The following CCDC91 variants were observed in gnomAD, a reference collection of about 807,000 sequenced individuals.
CCDC91 encodes coiled-coil domain containing 91, also known as coiled-coil domain-containing protein 91.
A neutral mutation model predicts 63.2 loss-of-function variants in CCDC91; 48 were observed. The observed-to-expected ratio is 0.76, with a 90% CI of 0.60 to 0.97. The LOEUF (loss-of-function observed/expected upper bound fraction) is 0.97, where lower values mean the gene tolerates loss of function less well. Among genes scored for constraint, CCDC91 ranks in the 50% least tolerant of loss-of-function variants. CCDC91 has a pLI of 0.00. For missense variants in CCDC91, 500 were observed against 494.6 expected (o/e 1.01, Z -0.10); for synonymous variants, 167 against 165.8 (o/e 1.01, Z -0.06).
chr12:28,462,817 C>G (rs1256253622), intron 11 of CCDC91, among the ~76,000 whole-genome samples: 1 of 151,862 alleles, frequency 6.6e-6, no homozygotes, highest in African/African-American at 2.4e-5. Context: ...ATAAGATATT[C>G]TATGAGCACA....
chr12:28,524,080 C>T (rs1941024428), intron 12 of CCDC91, among the ~76,000 whole-genome samples: 1 of 151,994 alleles, frequency 6.6e-6, no homozygotes. Context: ...CAAAGGGAAG[C>T]CCATCAGACT....
chr12:28,440,359 G>A (rs1949122233), intron 8 of CCDC91, among the ~76,000 whole-genome samples: 1 of 152,132 alleles, frequency 6.6e-6, no homozygotes, highest in Non-Finnish European at 1.5e-5. Flanking sequence ...GCCTGCATGT[G>A]TCCTATGCCT....
At chr12:28,261,087 G>GT (rs1322371344) in intron 3 of CCDC91, among the ~76,000 whole-genome samples, 1 of 152,022 alleles carries the variant, frequency 6.6e-6, no homozygotes, top group Non-Finnish European at 1.5e-5. Context: ...CTGTCTGGAT[G>GT]TGACAGTGAA....
At chr12:28,370,628 C>G (rs1944557500) in intron 7 of CCDC91, among the ~76,000 whole-genome samples, 1 of 152,194 alleles carries the variant, frequency 6.6e-6, no homozygotes, top group African/African-American at 2.4e-5. Context: ...TTTATAGCAG[C>G]TCCCCACTCC....
At chr12:28,545,453 G>A (rs760560226) in intron 12 of CCDC91, among the ~76,000 whole-genome samples, 6 of 152,064 alleles carry the variant, frequency 3.9e-5, no homozygotes, top group Non-Finnish European at 8.8e-5. Context: ...CCATCCCACA[G>A]CCATGATCTA....
Position 28,190,560 on chromosome 12 carries a change from G to A in CCDC91, c.-96G>A, listed in dbSNP as rs980288292. 3 of 154,070 alleles carry A rather than the reference G, an allele frequency of 1.9e-5. No homozygotes were observed. Among genetic ancestry groups the A allele is most frequent in the African/African-American group, 7.2e-5 (3 of 41,508 alleles). The allele number at this position is 154,070 out of a possible 1,614,324, so 9.5% of individuals were successfully genotyped here. ...GCCGTGCCTCGGGTGTACGCGTAGG[G>A]GTCTGTGTGCTGGGGGTGGCTCACC... On this transcript the variant is annotated 5_prime_UTR_variant, in exon 1 of 13. Transcript: ENST00000536442.
chr12:28,484,333 C>A, intron 12 of CCDC91, 168 bp downstream of exon 12: 1 of 369,474 alleles, frequency 2.7e-6, no homozygotes, highest in Non-Finnish European at 4.9e-6. Context: ...ATAGTTATGT[C>A]TATAAACATA....
At position 28,251,697 on chromosome 12, in the gene CCDC91, C is replaced by G. The variant is rs1946126596; in HGVS notation, c.-14-5505C>G. On this transcript the variant is annotated intron_variant, in intron 1 of 12. Coordinates refer to ENST00000536442, the MANE Select transcript of CCDC91 (RefSeq NM_018318.5). ...TAGTTCTCTAGTCACTAATTCAACTCTGAAGTTTCCCCTAATTGTTTAAAA... is the reference window on the plus strand; with the variant it reads ...TAGTTCTCTAGTCACTAATTCAACTGTGAAGTTTCCCCTAATTGTTTAAAA... Among the ~76,000 whole-genome samples, 4 of 152,060 alleles carry G rather than the reference C, an allele frequency of 2.6e-5. No homozygotes were observed. In the South Asian group the frequency reaches 6.2e-4, roughly 24 times the overall value.
chr12:28,546,058 A>G (rs1223569127), intron 12 of CCDC91, among the ~76,000 whole-genome samples: 1 of 152,134 alleles, frequency 6.6e-6, no homozygotes, highest in Non-Finnish European at 1.5e-5. Flanking sequence ...TACACAAGTT[A>G]TGAAGCATAA....
intron 8 of CCDC91, among the ~76,000 whole-genome samples, chr12:28,400,923 A>G (rs1031079540): frequency 1.5e-4 from 23 of 152,168 alleles, no homozygotes; most frequent in Non-Finnish European, 3.4e-4. Flanking sequence ...CCATTAAGTA[A>G]GTCTCTCAGA....
chr12:28,484,687 C>T (rs977162969), intron 12 of CCDC91, among the ~76,000 whole-genome samples: 7 of 151,848 alleles, frequency 4.6e-5, no homozygotes, highest in Non-Finnish European at 1.0e-4. Context: ...CATTTTCATA[C>T]AATGTGGTTT....
chr12:28,440,845 G>A (rs928562435), intron 8 of CCDC91, among the ~76,000 whole-genome samples: 3 of 151,864 alleles, frequency 2.0e-5, no homozygotes, highest in African/African-American at 7.3e-5. Flanking sequence ...GATTGCCTGA[G>A]CTCAGGAGTT....
intron 1 of CCDC91, among the ~76,000 whole-genome samples, chr12:28,227,770 A>G (rs1246643869): frequency 6.6e-6 from 1 of 152,048 alleles, no homozygotes; most frequent in Non-Finnish European, 1.5e-5. Flanking sequence ...ACATTGCCTT[A>G]TAGCCATTTT....
chr12:28,257,124 A>G (rs2136169703), intron 1 of CCDC91, 78 bp from the exon 2 acceptor site: 1 of 827,518 alleles, frequency 1.2e-6, no homozygotes, highest in South Asian at 1.5e-5. Context: ...ATAAATATGT[A>G]TACATTTAAG....
At chr12:28,269,054 GACAGA>G in intron 3 of CCDC91, among the ~76,000 whole-genome samples, 1 of 152,250 alleles carries the variant, frequency 6.6e-6, no homozygotes, top group East Asian at 1.9e-4. Flanking sequence ...CAGAGGTTCT[GACAGA>G]TATGCCCTAT....
chr12:28,195,701 T>C (rs1339425192), intron 1 of CCDC91, among the ~76,000 whole-genome samples: 1 of 152,148 alleles, frequency 6.6e-6, no homozygotes, highest in African/African-American at 2.4e-5. Context: ...AGAATCTCTT[T>C]ATTTCTATAT....
chr12:28,426,375 G>T (rs1948318002), intron 8 of CCDC91, among the ~76,000 whole-genome samples: 2 of 152,110 alleles, frequency 1.3e-5, no homozygotes, highest in Admixed American at 1.3e-4. Context: ...TAGAAAATTT[G>T]TGGCTATTGA....
At chr12:28,418,220 C>G (rs1171176560) in intron 8 of CCDC91, among the ~76,000 whole-genome samples, 1 of 152,034 alleles carries the variant, frequency 6.6e-6, no homozygotes, top group Non-Finnish European at 1.5e-5. Context: ...CTCAGCAGCT[C>G]TTGGCATTGT....
At chr12:28,327,587 A>G (rs1372171962) in intron 6 of CCDC91, among the ~76,000 whole-genome samples, 1 of 152,172 alleles carries the variant, frequency 6.6e-6, no homozygotes, top group African/African-American at 2.4e-5. Flanking sequence ...AGCATGGGCC[A>G]GAAGTCTCAC....
Sources: allele counts gnomAD v4.1 joint callset (sites outside exome capture counted in the v4.1 genomes callset), GRCh38; gene constraint gnomAD v4.1.1; transcripts MANE v1.5; gene names NCBI Gene and HGNC (gene_info 2026-07-23, HGNC 2026-07-21).